The following CSMD3 variants were observed in gnomAD, a reference collection of about 807,000 sequenced individuals.
CSMD3 encodes CUB and Sushi multiple domains 3, also known as CUB and sushi domain-containing protein 3.
Under a neutral mutation model 435.2 loss-of-function variants are expected in CSMD3, and 177 were observed. The observed-to-expected ratio is 0.41, with a 90% confidence interval of 0.36 to 0.46. The LOEUF is 0.46. CSMD3 is among the 20% of genes least tolerant of loss of function. CSMD3 has a pLI of 0.34. For synonymous variants in CSMD3, 1,656 were observed against 1,520.5 expected (o/e 1.09, Z -2.07); for missense variants, 4,265 against 4,504.6 (o/e 0.95, Z 1.52).
intron 35 of CSMD3, among the ~76,000 whole-genome samples, chr8:112,394,449 T>A (rs1009029656): frequency 3.9e-5 from 6 of 152,082 alleles, no homozygotes; most frequent in Non-Finnish European, 8.8e-5. Flanking sequence ...CCCATACTAG[T>A]TAGGAAAATT....
chr8:113,145,091 A>G (rs1168028783), intron 4 of CSMD3, among the ~76,000 whole-genome samples: 1 of 151,508 alleles, frequency 6.6e-6, no homozygotes, highest in African/African-American at 2.4e-5. Flanking sequence ...TGCAGAACTG[A>G]TAATATACTT....
intron 1 of CSMD3, among the ~76,000 whole-genome samples, chr8:113,400,369 T>C (rs2094504448): frequency 6.6e-6 from 1 of 151,972 alleles, no homozygotes; most frequent in South Asian, 2.1e-4. Flanking sequence ...TCGTGGCTAA[T>C]ACTAGGGACG....
intron 1 of CSMD3, among the ~76,000 whole-genome samples, chr8:113,398,552 A>C (rs1436416851): frequency 6.6e-6 from 1 of 152,298 alleles, no homozygotes; most frequent in East Asian, 1.9e-4. Context: ...ATTTTTATTG[A>C]TATGCCATTA....
intron 27 of CSMD3, among the ~76,000 whole-genome samples, chr8:112,525,913 AT>A (rs1350503278): frequency 7.0e-6 from 1 of 143,416 alleles, no homozygotes; most frequent in African/African-American, 2.6e-5. Flanking sequence ...ATGTATATAT[AT>A]TTTATATATA....
chr8:112,906,196 T>A (rs1363877455), intron 10 of CSMD3, among the ~76,000 whole-genome samples: 1 of 151,236 alleles, frequency 6.6e-6, no homozygotes, highest in Non-Finnish European at 1.5e-5. Context: ...ACTAAGACAC[T>A]GTGAGTCTTA....
chr8:113,342,793 C>T (rs1487418566), intron 1 of CSMD3, among the ~76,000 whole-genome samples: 2 of 151,816 alleles, frequency 1.3e-5, no homozygotes, highest in Non-Finnish European at 2.9e-5. Flanking sequence ...GTCCAAAATG[C>T]CTTCTAAGTC....
At chr8:112,845,733 A>C (rs534881136) in intron 11 of CSMD3, among the ~76,000 whole-genome samples, 5 of 152,218 alleles carry the variant, frequency 3.3e-5, no homozygotes, top group East Asian at 1.9e-4. Context: ...AAGATTTGCT[A>C]ATTGGAAAGC....
At chr8:112,473,721 A>ATTTTTT (rs71309772) in intron 31 of CSMD3, among the ~76,000 whole-genome samples, 3 of 131,318 alleles carry the variant, frequency 2.3e-5, no homozygotes, top group African/African-American at 8.6e-5. Context: ...AGGAAGAGGG[A>ATTTTTT]TTTTTTTTTT....
chr8:112,375,067 A>T (rs1828816524), intron 38 of CSMD3, among the ~76,000 whole-genome samples: 1 of 152,188 alleles, frequency 6.6e-6, no homozygotes, highest in South Asian at 2.1e-4. Flanking sequence ...ACACCAATGT[A>T]TCATTTGTTC....
chr8:112,737,662 A>G (rs1174507136), intron 13 of CSMD3, among the ~76,000 whole-genome samples: 3 of 151,896 alleles, frequency 2.0e-5, no homozygotes, highest in Admixed American at 6.6e-5. Flanking sequence ...TGTCACCTTA[A>G]CAATGATAAA....
At position 112,458,258 on chromosome 8, in the gene CSMD3, T is replaced by C. The variant is rs571337687; in HGVS notation, c.5395+14333A>G. 6.1e-5 allele frequency among the ~76,000 whole-genome samples: 8 copies of C among 131,846 alleles called. No individual in the cohort carries two copies. In the South Asian group the frequency reaches 1.7e-3, roughly 28 times the overall value. 86.5% of individuals were successfully genotyped at this position (131,846 alleles called of 152,430 possible). Reference sequence around the variant, plus strand: ...ACAGAGATAGAGAAAATATCCATATTGGCTTATTAAAGACACTTAGCATCC... The same window carrying C: ...ACAGAGATAGAGAAAATATCCATATCGGCTTATTAAAGACACTTAGCATCC... On this transcript the variant is annotated intron_variant, in intron 32 of 70. Transcript: ENST00000297405.
At chr8:112,880,226 A>C (rs1033591526) in intron 10 of CSMD3, among the ~76,000 whole-genome samples, 6 of 152,042 alleles carry the variant, frequency 3.9e-5, no homozygotes, top group African/African-American at 1.4e-4. Flanking sequence ...TTCTAGAAAA[A>C]ATCAAATGAA....
chr8:113,337,471 T>C (rs1258098177), intron 1 of CSMD3, among the ~76,000 whole-genome samples: 2 of 152,070 alleles, frequency 1.3e-5, no homozygotes, highest in East Asian at 1.9e-4. Context: ...CATCATAGCA[T>C]ACAGAAAAAT....
At chr8:112,339,939 A>G in intron 42 of CSMD3, among the ~76,000 whole-genome samples, 1 of 152,228 alleles carries the variant, frequency 6.6e-6, no homozygotes, top group East Asian at 1.9e-4. Flanking sequence ...CGTCAGTAAC[A>G]GTGAAAAAAG....
chr8:113,198,652 G>A (rs556611376), intron 3 of CSMD3, among the ~76,000 whole-genome samples: 1 of 150,480 alleles, frequency 6.6e-6, no homozygotes, highest in South Asian at 2.1e-4. Context: ...ATTTTTTTTG[G>A]ACAGACTAAA....
chr8:112,783,774 A>G (rs1368802097), intron 13 of CSMD3, among the ~76,000 whole-genome samples: 2 of 152,048 alleles, frequency 1.3e-5, no homozygotes, highest in African/African-American at 4.8e-5. Context: ...AGGAAACAAG[A>G]AAAAAGCAGG....
chr8:112,364,590 G>A (rs907452512), intron 38 of CSMD3, among the ~76,000 whole-genome samples: 2 of 151,992 alleles, frequency 1.3e-5, no homozygotes, highest in East Asian at 1.9e-4. Flanking sequence ...AAAGAAATGA[G>A]ATGGAAAGGA....
At chr8:112,504,747 T>C (rs1822330565) in intron 29 of CSMD3, among the ~76,000 whole-genome samples, 1 of 152,092 alleles carries the variant, frequency 6.6e-6, no homozygotes, top group East Asian at 1.9e-4. Flanking sequence ...AGTATAACAA[T>C]TGTCCCACAA....
chr8:112,363,680 G>A (rs976336917), intron 38 of CSMD3, among the ~76,000 whole-genome samples: 1 of 151,844 alleles, frequency 6.6e-6, no homozygotes, highest in Non-Finnish European at 1.5e-5. Context: ...TCATCACAAA[G>A]GGGTGAAAAA....
Sources: allele counts gnomAD v4.1 joint callset (sites outside exome capture counted in the v4.1 genomes callset), GRCh38; gene constraint gnomAD v4.1.1; transcripts MANE v1.5; gene names NCBI Gene and HGNC (gene_info 2026-07-23, HGNC 2026-07-21).